The following CCBE1 variants were observed in gnomAD, a reference collection of about 807,000 sequenced individuals.
CCBE1 encodes the protein collagen and calcium-binding EGF domain-containing protein 1.
CCBE1 carries 37 observed loss-of-function variants against 50.0 expected under a neutral mutation model. That is an observed-to-expected ratio of 0.74 (90% CI 0.57 to 0.97). CCBE1 has a LOEUF of 0.97. CCBE1 is among the 50% of genes least tolerant of loss of function. The pLI is 0.00. For missense variants in CCBE1, 538 were observed against 523.8 expected (o/e 1.03, Z -0.26); for synonymous variants, 234 against 203.7 (o/e 1.15, Z -1.27).
intron 2 of CCBE1, among the ~76,000 whole-genome samples, chr18:59,511,250 C>T (rs1914120218): frequency 6.6e-6 from 1 of 152,226 alleles, no homozygotes; most frequent in African/African-American, 2.4e-5. Flanking sequence ...TACAAAGATA[C>T]AGAAGACAGA....
chr18:59,562,284 G>A (rs1435746986), intron 2 of CCBE1, among the ~76,000 whole-genome samples: 1 of 152,016 alleles, frequency 6.6e-6, no homozygotes, highest in Non-Finnish European at 1.5e-5. Context: ...CCAATCCATT[G>A]GTAAACCAGG....
In CCBE1 at chr18:59,433,510, G is replaced by A. The variant is rs1910014450; in HGVS notation, c.*2398C>T. ...TGCATTTCCAACGTGGTAGGAAGAA[G>A]GGAAGGAAGACTGTTGCCACTAGAG... On this transcript the variant is annotated 3_prime_UTR_variant, in exon 11 of 11. Coordinates refer to ENST00000439986, the MANE Select transcript of CCBE1 (RefSeq NM_133459.4). 1.3e-5 allele frequency: 2 copies of A among 152,122 alleles called. No homozygotes were observed. The highest frequency in any genetic ancestry group is 1.3e-4 in the Admixed American group (2 of 15,274). 9.4% of individuals were successfully genotyped at this position (152,122 alleles called of 1,614,324 possible).
chr18:59,621,330 G>T (rs2053707417), intron 2 of CCBE1, among the ~76,000 whole-genome samples: 1 of 152,156 alleles, frequency 6.6e-6, no homozygotes, highest in African/African-American at 2.4e-5. Context: ...CATTCCCCTT[G>T]GACTTGGGCT....
chr18:59,634,336 T>C (rs1344214480), intron 2 of CCBE1, among the ~76,000 whole-genome samples: 1 of 152,228 alleles, frequency 6.6e-6, no homozygotes, highest in Non-Finnish European at 1.5e-5. Flanking sequence ...TCATCACAGA[T>C]CTGTGTCCAC....
At chr18:59,586,054 GATGC>G (rs1377620607) in intron 2 of CCBE1, among the ~76,000 whole-genome samples, 1 of 152,106 alleles carries the variant, frequency 6.6e-6, no homozygotes, top group Non-Finnish European at 1.5e-5. Context: ...CTTTTAATTT[GATGC>G]ATGTAAAATA....
intron 2 of CCBE1, among the ~76,000 whole-genome samples, chr18:59,560,161 AC>A (rs1308033493): frequency 6.6e-6 from 1 of 152,218 alleles, no homozygotes; most frequent in African/African-American, 2.4e-5. Flanking sequence ...CACAAGCCCT[AC>A]AGGTAGTTAG....
At chr18:59,492,957 G>A (rs1204075364) in intron 2 of CCBE1, among the ~76,000 whole-genome samples, 1 of 152,208 alleles carries the variant, frequency 6.6e-6, no homozygotes, top group African/African-American at 2.4e-5. Context: ...GCTTGGACAG[G>A]GCTGTGATCC....
chr18:59,646,766 G>C (rs2054059810), intron 2 of CCBE1, among the ~76,000 whole-genome samples: 1 of 152,194 alleles, frequency 6.6e-6, no homozygotes. Context: ...TGAGATCTGG[G>C]TGTGCAGCCA....
chr18:59,495,560 A>G (rs371351380), intron 2 of CCBE1, among the ~76,000 whole-genome samples: 2 of 151,504 alleles, frequency 1.3e-5, no homozygotes, highest in East Asian at 3.9e-4. Context: ...GGCCACGTGG[A>G]CATCTCCCCA....
rs201867325 is a variant in CCBE1, at chr18:59,583,678, T to C, written c.213-103440A>G. Among the ~76,000 whole-genome samples the C allele has an allele frequency of 1.9e-3, 111 of 58,556 alleles. 1 individual carries two copies. The highest frequency in any genetic ancestry group is 8.5e-3 in the Middle Eastern group (1 of 118). The allele number at this position is 58,556 out of a possible 152,430, so 38.4% of individuals were successfully genotyped here. On this transcript the variant is annotated intron_variant, in intron 2 of 10. Coordinates refer to ENST00000439986, the MANE Select transcript of CCBE1 (RefSeq NM_133459.4). ...GCGTGTGTGTGTGTGTGTGTGTGTG[T>C]GTGCGCGCGCGCGCGCGCGCGCGTG...
intron 2 of CCBE1, among the ~76,000 whole-genome samples, chr18:59,560,272 C>T (rs911154824): frequency 1.3e-5 from 2 of 152,180 alleles, no homozygotes; most frequent in African/African-American, 4.8e-5. Flanking sequence ...TTTGGTCCCA[C>T]CTGTGGAAGG....
At chr18:59,514,994 C>A (rs1441868335) in intron 2 of CCBE1, among the ~76,000 whole-genome samples, 1 of 152,160 alleles carries the variant, frequency 6.6e-6, no homozygotes, top group East Asian at 1.9e-4. Context: ...AAGCAGGAAG[C>A]TCTGATGTTT....
chr18:59,547,871 C>T (rs1035349613), intron 2 of CCBE1, among the ~76,000 whole-genome samples: 1 of 152,156 alleles, frequency 6.6e-6, no homozygotes, highest in Non-Finnish European at 1.5e-5. Flanking sequence ...AGGAGAAAAC[C>T]GAGATCATCC....
chr18:59,517,807 A>G (rs1448126812), intron 2 of CCBE1, among the ~76,000 whole-genome samples: 3 of 152,242 alleles, frequency 2.0e-5, no homozygotes, highest in African/African-American at 7.2e-5. Context: ...ACAACTACTG[A>G]AAGTCTCACT....
chr18:59,591,811 C>T (rs529834515), intron 2 of CCBE1, among the ~76,000 whole-genome samples: 6 of 152,302 alleles, frequency 3.9e-5, no homozygotes, highest in African/African-American at 1.4e-4. Context: ...TTTAGGTATT[C>T]GTGCTTCAGA....
chr18:59,663,080 C>A (rs2144692355), intron 2 of CCBE1, among the ~76,000 whole-genome samples: 2 of 151,210 alleles, frequency 1.3e-5, no homozygotes, highest in Admixed American at 1.3e-4. Flanking sequence ...CTGAATATTT[C>A]CCATGTGCTA....
intron 7 of CCBE1, 46 bp from the exon 8 acceptor site, chr18:59,439,862 C>A (rs1384520889): frequency 6.2e-7 from 1 of 1,608,756 alleles, no homozygotes; most frequent in Non-Finnish European, 8.5e-7. Flanking sequence ...ATGAGAAGGA[C>A]AAAGGGCCCT....
At chr18:59,554,013 T>G (rs960735985) in intron 2 of CCBE1, among the ~76,000 whole-genome samples, 1 of 152,146 alleles carries the variant, frequency 6.6e-6, no homozygotes. Context: ...GTACTTTTTG[T>G]TTTTTTAGAG....
intron 5 of CCBE1, among the ~76,000 whole-genome samples, chr18:59,456,438 T>G (rs1186785098): frequency 1.3e-5 from 2 of 152,124 alleles, no homozygotes; most frequent in African/African-American, 4.8e-5. Context: ...AGGGGAAACT[T>G]GCGCACAGGA....
Sources: allele counts gnomAD v4.1 joint callset (sites outside exome capture counted in the v4.1 genomes callset), GRCh38; gene constraint gnomAD v4.1.1; transcripts MANE v1.5; gene names NCBI Gene and HGNC (gene_info 2026-07-23, HGNC 2026-07-21).